SLC5A1: variants seen among roughly 807,000 people sequenced by gnomAD.
SLC5A1 encodes the protein sodium/glucose cotransporter 1.
In SLC5A1, 42 loss-of-function variants were observed where a neutral mutation model predicts 73.5. That is an observed-to-expected ratio of 0.57 (90% confidence interval 0.45 to 0.74). The LOEUF (loss-of-function observed/expected upper bound fraction) is 0.74. Among genes scored for constraint, SLC5A1 ranks in the 30% least tolerant of loss-of-function variants. The probability of loss-of-function intolerance (pLI) is 0.00; values close to 1 mark genes in which losing one functional copy is unlikely to be tolerated. For synonymous variants in SLC5A1, 300 were observed against 317.4 expected (o/e 0.95, Z 0.58); for missense variants, 634 against 855.4 (o/e 0.74, Z 3.23).
At chr22:32,080,329 C>G (rs1041064085) in intron 5 of SLC5A1, among the ~76,000 whole-genome samples, 1 of 152,074 alleles carries the variant, frequency 6.6e-6, no homozygotes, top group Non-Finnish European at 1.5e-5. Context: ...GGAAGGAGGT[C>G]GAATCACCCT....
At chr22:32,083,199 AG>A (rs1293379339) in intron 7 of SLC5A1, 45 bp downstream of exon 7, 2 of 1,531,548 alleles carry the variant, frequency 1.3e-6, no homozygotes, top group Admixed American at 1.7e-5. Context: ...GCAGAGGTAG[AG>A]GGCCTCAGGA....
At chr22:32,050,683 G>T (rs777397260) in intron 2 of SLC5A1, among the ~76,000 whole-genome samples, 34 of 152,186 alleles carry the variant, frequency 2.2e-4, no homozygotes, top group Non-Finnish European at 4.4e-4. Flanking sequence ...ACTGAATGAG[G>T]CCCAGAGAGA....
At chr22:32,097,713 CCTG>C (rs2094028631) in intron 11 of SLC5A1, among the ~76,000 whole-genome samples, 1 of 152,094 alleles carries the variant, frequency 6.6e-6, no homozygotes, top group Non-Finnish European at 1.5e-5. Context: ...TTATTAAGTG[CCTG>C]CTATTTGCAA....
intron 9 of SLC5A1, among the ~76,000 whole-genome samples, chr22:32,085,491 G>T: frequency 6.6e-6 from 1 of 150,650 alleles, no homozygotes. Flanking sequence ...TGAGCAACTT[G>T]AGGGAACTTT....
At chr22:32,068,681 C>T (rs1049310833) in intron 5 of SLC5A1, 81 bp downstream of exon 5, 7 of 958,016 alleles carry the variant, frequency 7.3e-6, no homozygotes, top group South Asian at 4.0e-5. Flanking sequence ...CACCAAGAGG[C>T]GGCTCTATAC....
chr22:32,103,884 AATTTAG>A (rs2094040642), intron 13 of SLC5A1, among the ~76,000 whole-genome samples: 1 of 152,170 alleles, frequency 6.6e-6, no homozygotes, highest in Non-Finnish European at 1.5e-5. Flanking sequence ...TGGCTCTCCC[AATTTAG>A]ATAAAGATGA....
At chr22:32,091,179 C>T (rs2094016610) in intron 10 of SLC5A1, among the ~76,000 whole-genome samples, 1 of 151,988 alleles carries the variant, frequency 6.6e-6, no homozygotes, top group African/African-American at 2.4e-5. Flanking sequence ...CTGTGGATGG[C>T]TTACTTTCTT....
intron 14 of SLC5A1, among the ~76,000 whole-genome samples, chr22:32,109,257 G>T (rs188786420): frequency 6.6e-5 from 10 of 152,246 alleles, no homozygotes; most frequent in Admixed American, 6.5e-4. Flanking sequence ...TGAAAACACA[G>T]TGGGCTTGAT....
intron 5 of SLC5A1, among the ~76,000 whole-genome samples, chr22:32,080,744 C>T (rs575116868): frequency 6.6e-6 from 1 of 152,256 alleles, no homozygotes; most frequent in Non-Finnish European, 1.5e-5. Flanking sequence ...GCCTGTAATC[C>T]CAGCACTTTG....
chr22:32,060,460 G>A (rs968459050), intron 2 of SLC5A1, among the ~76,000 whole-genome samples: 5 of 152,126 alleles, frequency 3.3e-5, no homozygotes, highest in Non-Finnish European at 7.3e-5. Context: ...CTCCCAAAGT[G>A]CTGGGATTAC....
chr22:32,097,579 C>G, intron 11 of SLC5A1, among the ~76,000 whole-genome samples: 1 of 152,162 alleles, frequency 6.6e-6, no homozygotes, highest in East Asian at 1.9e-4. Context: ...TTCTTCCTAT[C>G]TAGACCATTC....
Position 32,109,988 on chromosome 22 carries a change from A to G in SLC5A1, c.1772-2A>G, listed in dbSNP as rs955765173. 6.2e-7 allele frequency: 1 copy of G among 1,613,862 alleles called. No individual in the cohort carries two copies. The highest frequency in any genetic ancestry group is 8.5e-7 in the Non-Finnish European group (1 of 1,179,756). On this transcript the variant is annotated splice_acceptor_variant, in intron 14 of 14. Coordinates refer to ENST00000266088, the MANE Select transcript of SLC5A1 (RefSeq NM_000343.4). LOFTEE classifies it high-confidence loss of function. ...CAATAATTCTTCTATGCCTTTGCCCAGAAACACAAGTTCCTGAGAAGAAAA... is the reference window on the plus strand; with the variant it reads ...CAATAATTCTTCTATGCCTTTGCCCGGAAACACAAGTTCCTGAGAAGAAAA...
intron 12 of SLC5A1, 145 bp downstream of exon 12, chr22:32,099,496 C>T (rs1357586073): frequency 4.9e-5 from 41 of 828,690 alleles, no homozygotes; most frequent in Non-Finnish European, 7.6e-5. Context: ...TAGGGAAAGC[C>T]TCCAGGGACC....
chr22:32,063,484 A>G (rs2093967048), intron 2 of SLC5A1, among the ~76,000 whole-genome samples: 2 of 152,226 alleles, frequency 1.3e-5, no homozygotes, highest in African/African-American at 4.8e-5. Flanking sequence ...TGTAAAGCTC[A>G]TGCTGTCTCT....
chr22:32,048,856 A>G (rs781541354), intron 1 of SLC5A1, among the ~76,000 whole-genome samples: 5 of 151,972 alleles, frequency 3.3e-5, no homozygotes, highest in Non-Finnish European at 7.4e-5. Flanking sequence ...AGATCACTTG[A>G]GGTCAGGAGT....
intron 4 of SLC5A1, 94 bp from the exon 5 acceptor site, chr22:32,068,402 T>C: frequency 2.3e-6 from 2 of 871,814 alleles, no homozygotes; most frequent in Non-Finnish European, 3.9e-6. Context: ...ACCACACTTC[T>C]GTGGCTCTGA....
chr22:32,086,400 C>A, intron 10 of SLC5A1, 73 bp downstream of exon 10: 1 of 974,286 alleles, frequency 1.0e-6, no homozygotes, highest in Non-Finnish European at 1.7e-6. Context: ...CACCTACATT[C>A]CTGTGAACCT....
chr22:32,057,517 T>C (rs77949114), intron 2 of SLC5A1, among the ~76,000 whole-genome samples: 6,818 of 152,284 alleles, frequency 0.045, 206 homozygotes, highest in Non-Finnish European at 0.07. Flanking sequence ...CCTCCTGCCA[T>C]GGCCTCCCAA....
At chr22:32,045,381 T>A (rs1473845507) in intron 1 of SLC5A1, among the ~76,000 whole-genome samples, 1 of 152,240 alleles carries the variant, frequency 6.6e-6, no homozygotes, top group African/African-American at 2.4e-5. Context: ...TTAGTATTTG[T>A]CTATGTTTAA....
Sources: allele counts gnomAD v4.1 joint callset (sites outside exome capture counted in the v4.1 genomes callset), GRCh38; gene constraint gnomAD v4.1.1; transcripts MANE v1.5; gene names NCBI Gene and HGNC (gene_info 2026-07-23, HGNC 2026-07-21).